SLC9A2: variants seen among roughly 807,000 people sequenced by gnomAD.
The protein encoded by SLC9A2 is sodium/hydrogen exchanger 2.
A neutral mutation model predicts 71.7 loss-of-function variants in SLC9A2; 42 were observed. The ratio of observed to expected loss-of-function variants is 0.59; its 90% CI spans 0.46 to 0.76. The LOEUF is 0.76. SLC9A2 is among the 30% of genes least tolerant of loss of function. The pLI, the probability that SLC9A2 is intolerant of heterozygous loss-of-function variation, is 0.00. For synonymous variants in SLC9A2, 396 were observed against 392.5 expected, an observed-to-expected ratio of 1.01 and a Z score of -0.10; for missense variants, 829 against 1,017.4, an observed-to-expected ratio of 0.81 and a Z score of 2.52.
At chr2:102,668,301 C>T (rs1677182659) in intron 3 of SLC9A2, among the ~76,000 whole-genome samples, 1 of 152,040 alleles carries the variant, frequency 6.6e-6, no homozygotes, top group South Asian at 2.1e-4. Flanking sequence ...AATCAGTATG[C>T]CATTCAAAAC....
chr2:102,664,538 A>G (rs1677100427), intron 2 of SLC9A2, among the ~76,000 whole-genome samples: 1 of 151,590 alleles, frequency 6.6e-6, no homozygotes, highest in Non-Finnish European at 1.5e-5. Flanking sequence ...TCTCAGTTAC[A>G]CCAGACATGT....
At chr2:102,695,173 C>T in intron 7 of SLC9A2, 60 bp downstream of exon 7, 6 of 1,144,070 alleles carry the variant, frequency 5.2e-6, no homozygotes, top group Non-Finnish European at 7.8e-6. Context: ...GAAAGCAGGA[C>T]TTACTGATTT....
At chr2:102,704,947 G>C (rs1011519518) in intron 10 of SLC9A2, among the ~76,000 whole-genome samples, 3 of 152,248 alleles carry the variant, frequency 2.0e-5, no homozygotes, top group Admixed American at 2.0e-4. Flanking sequence ...GTAAATGCCA[G>C]CACTTTGGGA....
chr2:102,635,202 C>T (rs749958614), intron 1 of SLC9A2, among the ~76,000 whole-genome samples: 2 of 152,214 alleles, frequency 1.3e-5, no homozygotes, highest in Non-Finnish European at 2.9e-5. Flanking sequence ...TACATTTTCT[C>T]TTACGGAACA....
chr2:102,708,536 G>T lies in SLC9A2; in HGVS notation c.*47G>T. On this transcript the variant is annotated 3_prime_UTR_variant, in exon 12 of 12. Coordinates refer to ENST00000233969, the MANE Select transcript of SLC9A2 (RefSeq NM_003048.6). ...TGAGTGTCTGACCCAGGACAGCTGT[G>T]GTTTGTCACTCTGAAACCTGATGCA... 6.4e-7 allele frequency: 1 copy of T among 1,569,290 alleles called. No homozygotes were observed. The highest frequency in any genetic ancestry group is 1.2e-5 in the South Asian group (1 of 82,896).
In SLC9A2 at chr2:102,665,141, C is replaced by T; in HGVS notation, c.795C>T (p.Thr265=). 6.2e-7 allele frequency: 1 copy of T among 1,613,938 alleles called. No homozygotes were observed. Among genetic ancestry groups the T allele is most frequent in the Non-Finnish European group, 8.5e-7 (1 of 1,179,974 alleles). Residue 265 remains threonine (T), a synonymous_variant, in exon 3 of 12, where the codon ACC becomes ACT. Coordinates refer to ENST00000233969, the MANE Select transcript of SLC9A2 (RefSeq NM_003048.6). The part of the protein sequence containing the change: ...NLFKSFCQMK[T]IETIDVFAGI... ...TCAAGTCGTTTTGCCAGATGAAAAC[C>T]ATTGAGACCATTGATGTGTTTGCAG...
intron 1 of SLC9A2, among the ~76,000 whole-genome samples, chr2:102,623,907 C>G (rs1322141122): frequency 2.6e-5 from 4 of 151,922 alleles, no homozygotes; most frequent in East Asian, 3.9e-4. Flanking sequence ...GAATAGTTTT[C>G]TAATATAATA....
intron 1 of SLC9A2, among the ~76,000 whole-genome samples, chr2:102,634,607 G>A (rs1285886209): frequency 6.6e-6 from 1 of 152,176 alleles, no homozygotes; most frequent in Non-Finnish European, 1.5e-5. Context: ...ATAGCAAGTT[G>A]TTAGACGTCC....
At chr2:102,642,624 T>C (rs1234805804) in intron 1 of SLC9A2, among the ~76,000 whole-genome samples, 1 of 152,198 alleles carries the variant, frequency 6.6e-6, no homozygotes, top group African/African-American at 2.4e-5. Flanking sequence ...TGTTGTTTTC[T>C]TTTTGGTACT....
chr2:102,642,510 C>T (rs1676603975), intron 1 of SLC9A2, among the ~76,000 whole-genome samples: 2 of 152,080 alleles, frequency 1.3e-5, no homozygotes, highest in Admixed American at 1.3e-4. Flanking sequence ...CCTTGCATCC[C>T]TGGAATAAAC....
chr2:102,683,530 T>C, intron 4 of SLC9A2, 52 bp downstream of exon 4: 1 of 1,379,194 alleles, frequency 7.3e-7, no homozygotes, highest in Non-Finnish European at 1.0e-6. Context: ...ACTAATTGAA[T>C]GGGGCTTTCC....
intron 3 of SLC9A2, among the ~76,000 whole-genome samples, chr2:102,680,150 T>C (rs1216872008): frequency 7.3e-6 from 1 of 136,538 alleles, no homozygotes; most frequent in African/African-American, 2.5e-5. Context: ...AATTTTCTAC[T>C]TGGCAACATT....
chr2:102,689,913 G>A (rs539473576), intron 5 of SLC9A2: 1 of 152,280 alleles, frequency 6.6e-6, no homozygotes, highest in Non-Finnish European at 1.5e-5. Flanking sequence ...CATCTAAGTG[G>A]AGATGTTGGA....
At chr2:102,681,108 G>A (rs1677445188) in intron 3 of SLC9A2, among the ~76,000 whole-genome samples, 1 of 152,218 alleles carries the variant, frequency 6.6e-6, no homozygotes, top group African/African-American at 2.4e-5. Flanking sequence ...GCAGCCATAG[G>A]AGATGGATAC....
chr2:102,667,810 C>T (rs1199200351), intron 3 of SLC9A2, among the ~76,000 whole-genome samples: 2 of 152,112 alleles, frequency 1.3e-5, no homozygotes, highest in African/African-American at 4.8e-5. Flanking sequence ...CGGCTCATGC[C>T]TGTAATCCCA....
At position 102,641,903 on chromosome 2, in the gene SLC9A2, T is replaced by TG. The variant is rs570321660; in HGVS notation, c.290-15655dup. ...TCACACACCAGGGCCTGTCGGGGGG[T>TG]GGGGGGCTGGGGGAGGGATAGCATT... On this transcript the variant is annotated intron_variant, in intron 1 of 11. Transcript: ENST00000233969. 1.4e-3 allele frequency among the ~76,000 whole-genome samples: 8 copies of TG among 5,606 alleles called. No individual in the cohort carries two copies. The East Asian group carries it at 0.038, about 26-fold the overall frequency. 3.7% of individuals were successfully genotyped at this position (5,606 alleles called of 152,430 possible).
chr2:102,691,851 G>A (rs1677670487), intron 5 of SLC9A2, among the ~76,000 whole-genome samples: 1 of 152,182 alleles, frequency 6.6e-6, no homozygotes, highest in Admixed American at 6.5e-5. Context: ...CATATGGACT[G>A]GGGTAAGCCC....
chr2:102,638,038 T>C (rs889255966), intron 1 of SLC9A2, among the ~76,000 whole-genome samples: 1 of 152,180 alleles, frequency 6.6e-6, no homozygotes, highest in Non-Finnish European at 1.5e-5. Flanking sequence ...GTTTTGCTGA[T>C]TTTCCAAGAT....
At chr2:102,672,637 T>A (rs184620008) in intron 3 of SLC9A2, among the ~76,000 whole-genome samples, 1 of 152,106 alleles carries the variant, frequency 6.6e-6, no homozygotes, top group Non-Finnish European at 1.5e-5. Flanking sequence ...GATGTCAAAC[T>A]AAAGCCACCT....
Sources: allele counts gnomAD v4.1 joint callset (sites outside exome capture counted in the v4.1 genomes callset), GRCh38; gene constraint gnomAD v4.1.1; transcripts MANE v1.5; gene names NCBI Gene and HGNC (gene_info 2026-07-23, HGNC 2026-07-21).